CCM2: variants seen among roughly 807,000 people sequenced by gnomAD.
The protein encoded by CCM2 is CCM2 scaffold protein.
CCM2 carries 25 observed loss-of-function variants against 44.9 expected under a neutral mutation model. That is an observed-to-expected ratio of 0.56 (90% CI 0.41 to 0.78). The LOEUF (loss-of-function observed/expected upper bound fraction) is 0.78. CCM2 is among the 30% of genes least tolerant of loss of function. The pLI, the probability that CCM2 is intolerant of heterozygous loss-of-function variation, is 0.00. For missense variants in CCM2, 481 were observed against 580.6 expected (o/e 0.83, Z 1.76); for synonymous variants, 219 against 241.1 (o/e 0.91, Z 0.85).
Position 45,076,012 on chromosome 7 carries a change from C to T in CCM2, c.1290C>T (p.Ser430=), listed in dbSNP as rs778959221. Reference sequence around the variant, plus strand: ...ACCGCATGATCTCGGACATCAGCAGCGACATTGAGGCGCTGGGCTGCAGCA... The same window carrying T: ...ACCGCATGATCTCGGACATCAGCAGTGACATTGAGGCGCTGGGCTGCAGCA... ...EWDRMISDIS[S]DIEALGCSMD... Residue 430 remains serine (S), a synonymous_variant, in exon 10 of 10, where the codon AGC becomes AGT. Coordinates refer to ENST00000258781, the MANE Select transcript of CCM2 (RefSeq NM_031443.4). The T allele has an allele frequency of 1.4e-5, 22 of 1,612,894 alleles. No homozygotes were observed. The highest frequency in any genetic ancestry group is 2.2e-5 in the East Asian group (1 of 44,888).
intron 7 of CCM2, 67 bp downstream of exon 7, chr7:45,072,850 G>A (rs1441722652): frequency 6.7e-6 from 9 of 1,342,176 alleles, no homozygotes; most frequent in Non-Finnish European, 8.5e-6. Context: ...GTGTTGTCCA[G>A]GCTGCAGCCA....
intron 3 of CCM2, 84 bp from the exon 4 acceptor site, chr7:45,064,379 G>T: frequency 7.4e-7 from 1 of 1,354,144 alleles, no homozygotes; most frequent in Non-Finnish European, 1.0e-6. Flanking sequence ...GTGTGACATC[G>T]GCCAGCACAA....
chr7:45,027,201 T>G, intron 1 of CCM2: 2 of 247,370 alleles, frequency 8.1e-6, no homozygotes, highest in Non-Finnish European at 8.0e-6. Context: ...CTTGCTGCCT[T>G]TGAGCAAGCA....
At chr7:45,002,263 A>G (rs773040456) in intron 1 of CCM2, among the ~76,000 whole-genome samples, 1 of 152,226 alleles carries the variant, frequency 6.6e-6, no homozygotes, top group Non-Finnish European at 1.5e-5. Flanking sequence ...AATTCTTCTA[A>G]GTTAGCTTCT....
intron 1 of CCM2, among the ~76,000 whole-genome samples, chr7:45,000,805 C>G (rs186035837): frequency 6.6e-6 from 1 of 152,218 alleles, no homozygotes; most frequent in Non-Finnish European, 1.5e-5. Flanking sequence ...CACTCGTCCA[C>G]TATCACTCAG....
Position 45,069,895 on chromosome 7 carries a change from G to A in CCM2, c.679G>A (p.Asp227Asn), listed in dbSNP as rs770430978. ...FQVVYTESTI[D>N]FLDRAIFDGA... ...GGTTGTTTACACGGAGTCCACCATC[G>A]ACTTTCTGGACAGAGCGATATTTGA... is the stretch of plus-strand genomic sequence containing the variant. Residue 227 changes from aspartate (D) to asparagine (N), a missense_variant, in exon 6 of 10, where the codon GAC becomes AAC. Physicochemically the swap from Asp to Asn is conservative, Grantham distance 23. Coordinates refer to ENST00000258781, the MANE Select transcript of CCM2 (RefSeq NM_031443.4). The A allele has an allele frequency of 5.6e-6, 9 of 1,614,144 alleles. No individual in the cohort carries two copies. The highest frequency in any genetic ancestry group is 1.1e-5 in the South Asian group (1 of 91,080).
At chr7:45,027,774 A>T in intron 1 of CCM2, 1 of 1,614,218 alleles carries the variant, frequency 6.2e-7, no homozygotes, top group East Asian at 2.2e-5. Flanking sequence ...AGAATTTCAC[A>T]CAGGGTATTC....
At chr7:45,069,302 C>T (rs1221785388) in intron 5 of CCM2, among the ~76,000 whole-genome samples, 1 of 152,248 alleles carries the variant, frequency 6.6e-6, no homozygotes, top group African/African-American at 2.4e-5. Context: ...AGCAGCATCC[C>T]AGCTTCTCCC....
chr7:45,057,480 C>G (rs1267103226), intron 2 of CCM2, among the ~76,000 whole-genome samples: 1 of 152,164 alleles, frequency 6.6e-6, no homozygotes, highest in Non-Finnish European at 1.5e-5. Flanking sequence ...CTTTTCCAAT[C>G]CATTGGTCAG....
intron 2 of CCM2, among the ~76,000 whole-genome samples, chr7:45,044,918 ACT>A (rs568525593): frequency 6.6e-6 from 1 of 152,230 alleles, no homozygotes; most frequent in South Asian, 2.1e-4. Context: ...TCATAACTAA[ACT>A]CTAACCGATC....
chr7:45,019,158 G>A (rs752753143), intron 1 of CCM2, among the ~76,000 whole-genome samples: 4 of 140,952 alleles, frequency 2.8e-5, no homozygotes, highest in Admixed American at 2.3e-4. Flanking sequence ...TGCAACCTCC[G>A]CCTCCCGGGT....
chr7:45,069,450 G>A (rs1446448797), intron 5 of CCM2, among the ~76,000 whole-genome samples: 1 of 152,236 alleles, frequency 6.6e-6, no homozygotes, highest in Admixed American at 6.5e-5. Flanking sequence ...AATGCCTCCA[G>A]GTGGGCTGTG....
intron 2 of CCM2, among the ~76,000 whole-genome samples, chr7:45,047,344 A>AAAT (rs1797805155): frequency 6.6e-6 from 1 of 152,220 alleles, no homozygotes; most frequent in Non-Finnish European, 1.5e-5. Context: ...TGGTTAAACA[A>AAAT]AATGAGGTCC....
chr7:45,068,625 C>G, intron 5 of CCM2, 46 bp downstream of exon 5: 1 of 1,611,378 alleles, frequency 6.2e-7, no homozygotes, highest in Non-Finnish European at 8.5e-7. Context: ...TCCTCCCAGA[C>G]CCTGCTCATG....
intron 2 of CCM2, among the ~76,000 whole-genome samples, chr7:45,053,548 C>G (rs1798108063): frequency 6.6e-6 from 1 of 152,206 alleles, no homozygotes; most frequent in Non-Finnish European, 1.5e-5. Flanking sequence ...GCTCCCCTGG[C>G]TACTATTTTG....
chr7:45,037,243 T>C (rs1019662029), intron 1 of CCM2, among the ~76,000 whole-genome samples: 48 of 151,212 alleles, frequency 3.2e-4, no homozygotes, highest in African/African-American at 1.1e-3. Context: ...GGTCTTTTCC[T>C]GGGTTCTGCA....
rs754136021 is a variant in CCM2, at chr7:45,010,593, G to GTA, written c.30+10244_30+10245dup. ...GAGATTTAGTTTCTTTCTAGTTTGTGTATATATATATATATTTTTTTGAGA... is the reference window on the plus strand; with the variant it reads ...GAGATTTAGTTTCTTTCTAGTTTGTGTATATATATATATATATTTTTTTGAGA... On this transcript the variant is annotated intron_variant, in intron 1 of 9. Transcript: ENST00000258781. Among the ~76,000 whole-genome samples the GTA allele has an allele frequency of 8.8e-3, 1,337 of 151,744 alleles. 20 individuals are homozygous for GTA. Among genetic ancestry groups the GTA allele is most frequent in the African/African-American group, 0.03 (1,226 of 41,430 alleles).
chr7:45,002,649 C>T (rs972269191), intron 1 of CCM2, among the ~76,000 whole-genome samples: 24 of 152,132 alleles, frequency 1.6e-4, no homozygotes, highest in Admixed American at 3.3e-4. Flanking sequence ...GTGAGTCTCA[C>T]GGAAACTTGG....
chr7:45,000,041 C>G (rs1406319064), upstream of CCM2: 2 of 211,818 alleles, frequency 9.4e-6, no homozygotes, highest in Non-Finnish European at 1.9e-5. Flanking sequence ...CGTGTTCTCC[C>G]TGAAGGGGCG....
Sources: allele counts gnomAD v4.1 joint callset (sites outside exome capture counted in the v4.1 genomes callset), GRCh38; gene constraint gnomAD v4.1.1; transcripts MANE v1.5; gene names NCBI Gene and HGNC (gene_info 2026-07-23, HGNC 2026-07-21).